Variants in ETV3 observed in about 807,000 individuals in gnomAD.
ETV3 encodes ETS translocation variant 3.
In ETV3, 8 loss-of-function variants were observed where a neutral mutation model predicts 33.0. The observed-to-expected ratio is 0.24, with a 90% confidence interval of 0.14 to 0.44. The LOEUF (loss-of-function observed/expected upper bound fraction) is 0.44, where lower values mean the gene tolerates loss of function less well. Among genes scored for constraint, ETV3 ranks in the 20% least tolerant of loss-of-function variants. The pLI, the probability that ETV3 is intolerant of heterozygous loss-of-function variation, is 1.00. For synonymous variants in ETV3, 222 were observed against 238.9 expected, an observed-to-expected ratio of 0.93 and a Z score of 0.65; for missense variants, 473 against 652.3, an observed-to-expected ratio of 0.73 and a Z score of 2.99.
In ETV3 at chr1:157,136,328, C is replaced by G; in HGVS notation, c.25G>C (p.Glu9Gln). MKAGCSIV[E>Q]KPEGGGGYQF... ...TCACCTCCACCTCCTTCTGGCTTTT[C>G]CACGATGCTACAGCCGGCTTTCATT... Residue 9 changes from glutamate (E) to glutamine (Q), a missense_variant, in exon 2 of 5, where the codon GAA becomes CAA. Transcript: ENST00000368192. The G allele has an allele frequency of 6.2e-7, 1 of 1,611,842 alleles. No individual in the cohort carries two copies. The highest frequency in any genetic ancestry group is 1.1e-5 in the South Asian group (1 of 90,560).
In ETV3 at chr1:157,124,754, T is replaced by TGGGGGGCCCC; in HGVS notation, c.*86_*87insGGGGCCCCCC. ...CCTAGAATGATCAAACCAGTTTAAC[T>TGGGGGGCCCC]CCCTCCCCCCCACCCTGAAATCTTG... is the stretch of plus-strand genomic sequence containing the variant. On this transcript the variant is annotated 3_prime_UTR_variant, in exon 5 of 5. Transcript: ENST00000368192. 1 of 328,824 alleles carries TGGGGGGCCCC rather than the reference T, an allele frequency of 3.0e-6. No homozygotes were observed. The highest frequency in any genetic ancestry group is 5.9e-6 in the Non-Finnish European group (1 of 168,370). 20.4% of individuals were successfully genotyped at this position (328,824 alleles called of 1,614,324 possible).
rs558908220 is a variant in ETV3, at chr1:157,135,390, T to C, written c.284+81A>G. ...GATAGTGTAGTCTTTTATTACCTGA[T>C]ACCCTTTTTATCTAGCATTCACCAA... On this transcript the variant is annotated intron_variant, in intron 3 of 4. Transcript: ENST00000368192. 26 of 1,509,980 alleles carry C rather than the reference T, an allele frequency of 1.7e-5. 1 individual carries two copies. The African/African-American group carries it at 3.2e-4, about 18-fold the overall frequency. 93.5% of individuals were successfully genotyped at this position (1,509,980 alleles called of 1,614,324 possible).
In ETV3 at chr1:157,136,790, T is replaced by C. The variant is rs1403617429; in HGVS notation, c.-13-425A>G. Among the ~76,000 whole-genome samples the C allele has an allele frequency of 2.6e-5, 4 of 152,132 alleles. No homozygotes were observed. In the East Asian group the frequency reaches 5.8e-4, roughly 22 times the overall value. On this transcript the variant is annotated intron_variant, in intron 1 of 4. Transcript: ENST00000368192. ...ATACACAAGCCTGAGTTCACCAAGA[T>C]GTACCAGTTTAAAGGATGAAAAAAT...
chr1:157,134,176 G>C lies in ETV3; in HGVS notation c.336C>G (p.Thr112=). ...CCAGCTTGTTGAAGTTAAATTTATAGGTAAATCTTTTCCCTTTTGTTTTAT... is the reference window on the plus strand; with the variant it reads ...CCAGCTTGTTGAAGTTAAATTTATACGTAAATCTTTTCCCTTTTGTTTTAT... ...ILHKTKGKRF[T]YKFNFNKLVM... is the part of the protein sequence containing the mutation. Residue 112 remains threonine, a synonymous_variant, in exon 4 of 5, where the codon ACC becomes ACG. Coordinates refer to ENST00000368192, the MANE Select transcript of ETV3 (RefSeq NM_001145312.3). 1.2e-6 allele frequency: 2 copies of C among 1,613,894 alleles called. No homozygotes were observed. The highest frequency in any genetic ancestry group is 1.7e-6 in the Non-Finnish European group (2 of 1,179,900).
chr1:157,125,867 A>G lies in ETV3; in HGVS notation c.513T>C (p.Ala171=), dbSNP rs1674824821. The change falls in exon 5 of 5, where the codon GCT becomes GCC. Residue 171 remains alanine, a synonymous_variant. Coordinates refer to ENST00000368192, the MANE Select transcript of ETV3 (RefSeq NM_001145312.3). This position sits in a 1 kb window ranked among gnomAD's most constrained non-coding sequence, Gnocchi z 4.0. The part of the protein sequence containing the change: ...TNDVQPGRFS[A]SSLTASGQES... ...CCTGGCCAGAAGCAGTTAGGGAGCTAGCAGAGAACCGTCCCGGCTGCACAT... is the reference window on the plus strand; with the variant it reads ...CCTGGCCAGAAGCAGTTAGGGAGCTGGCAGAGAACCGTCCCGGCTGCACAT... 6.4e-7 allele frequency: 1 copy of G among 1,551,598 alleles called. No homozygotes were observed. The highest frequency in any genetic ancestry group is 8.7e-7 in the Non-Finnish European group (1 of 1,146,994).
intron 3 of ETV3, among the ~76,000 whole-genome samples, chr1:157,134,677 A>G (rs1283240296): frequency 6.6e-6 from 1 of 152,244 alleles, no homozygotes; most frequent in Non-Finnish European, 1.5e-5. Context: ...AAAGGAATGT[A>G]CAACTGTTTT....
At chr1:157,126,038 C>A in intron 4 of ETV3, 59 bp from the exon 5 acceptor site, 1 of 1,409,422 alleles carries the variant, frequency 7.1e-7, no homozygotes, top group Non-Finnish European at 9.4e-7. Flanking sequence ...ATTATCATCA[C>A]TTATGCTAAC....
In ETV3 at chr1:157,124,870, C is replaced by T. The variant is rs1222358633; in HGVS notation, c.1510G>A (p.Gly504Ser). 3 of 1,548,478 alleles carry T rather than the reference C, an allele frequency of 1.9e-6. No homozygotes were observed. Reference sequence around the variant, plus strand: ...GCATCAGCAGCTGCTGTTGCCAAGCCCTGGGGTCCTGACCCATTCCAGAGA... The same window carrying T: ...GCATCAGCAGCTGCTGTTGCCAAGCTCTGGGGTCCTGACCCATTCCAGAGA... ...KFLWNGSGPQ[G>S]LATAAADA is the part of the protein sequence containing the mutation. Residue 504 changes from glycine (G) to serine (S), a missense_variant, in exon 5 of 5, where the codon GGC (glycine) becomes AGC (serine). This residue lies in a region of ETV3 where 410 missense variants were observed against 520.2 expected (regional missense o/e 0.79). Coordinates refer to ENST00000368192, the MANE Select transcript of ETV3 (RefSeq NM_001145312.3).
chr1:157,136,254 G>C, intron 2 of ETV3, 53 bp downstream of exon 2: 1 of 1,551,654 alleles, frequency 6.4e-7, no homozygotes, highest in South Asian at 1.1e-5. Flanking sequence ...GAGAGGACAG[G>C]AACCACTGAG....
At position 157,126,453 on chromosome 1, in the gene ETV3, CCA is replaced by C. The variant is rs373108052; in HGVS notation, c.401-476_401-475del. On this transcript the variant is annotated intron_variant, in intron 4 of 4. Transcript: ENST00000368192. ...AATAGTCTTATTTCCATAATTTTGG[CCA>C]TATATATATATTCGTGTGTGTGTGT... Among the ~76,000 whole-genome samples, 15 of 152,196 alleles carry C rather than the reference CCA, an allele frequency of 9.9e-5. No homozygotes were observed. In the East Asian group the frequency reaches 2.7e-3, roughly 27 times the overall value.
chr1:157,124,888 T>G lies in ETV3; in HGVS notation c.1492A>C (p.Asn498His). The stretch of plus-strand genomic sequence containing the variant: ...GCCAAGCCCTGGGGTCCTGACCCAT[T>G]CCAGAGAAACTTGCCACTCTTGCTC... ...ELSKSGKFLW[N>H]GSGPQGLATA... The change falls in exon 5 of 5, where the codon AAT (asparagine) becomes CAT (histidine). Residue 498 changes from asparagine to histidine, a missense_variant. Transcript: ENST00000368192. 6.4e-7 allele frequency: 1 copy of G among 1,551,384 alleles called. No homozygotes were observed. The highest frequency in any genetic ancestry group is 8.7e-7 in the Non-Finnish European group (1 of 1,146,848).
intron 4 of ETV3, chr1:157,128,628 G>A (rs757743873): frequency 1.4e-5 from 3 of 221,822 alleles, no homozygotes; most frequent in Non-Finnish European, 2.9e-5. Context: ...AGGCAGAAAA[G>A]GGCAGACTTG....
In ETV3 at chr1:157,138,367, G is replaced by C. The variant is rs116785379; in HGVS notation, c.-65C>G. The C allele has an allele frequency of 0.023, 3,520 of 152,432 alleles. 87 individuals carry two copies. The highest frequency in any genetic ancestry group is 0.095 in the East Asian group (487 of 5,138). The allele number at this position is 152,432 out of a possible 1,614,324, so 9.4% of individuals were successfully genotyped here. A position where few individuals can be genotyped will look rare whatever the true frequency, so the allele number is the denominator to read the frequency against. ...TCCGGTCTCCTCCGCGGCGTCTCCG[G>C]CTCCTCCTCATCCACCCCAGCAGGA... On this transcript the variant is annotated 5_prime_UTR_variant, in exon 1 of 5. Coordinates refer to ENST00000368192, the MANE Select transcript of ETV3 (RefSeq NM_001145312.3).
Position 157,124,083 on chromosome 1 carries a change from G to A in ETV3, c.*758C>T, listed in dbSNP as rs1204456021. The A allele has an allele frequency of 6.6e-6, 1 of 152,044 alleles. No individual in the cohort carries two copies. Among genetic ancestry groups the A allele is most frequent in the African/African-American group, 2.4e-5 (1 of 41,392 alleles). The allele number at this position is 152,044 out of a possible 1,614,324, so 9.4% of individuals were successfully genotyped here. A position where few individuals can be genotyped will look rare whatever the true frequency, so the allele number is the denominator to read the frequency against. On this transcript the variant is annotated 3_prime_UTR_variant, in exon 5 of 5. Coordinates refer to ENST00000368192, the MANE Select transcript of ETV3 (RefSeq NM_001145312.3). The stretch of plus-strand genomic sequence containing the variant: ...GTGAAGTAGGTGAAAAGTCTGAGAA[G>A]CTCACAGCAGGGTTTGCCGTCCCAA...
rs1477004227 is a variant in ETV3, at chr1:157,124,144, C to T, written c.*697G>A. The T allele has an allele frequency of 2.0e-5, 3 of 151,162 alleles. No individual in the cohort carries two copies. The highest frequency in any genetic ancestry group is 4.4e-5 in the Non-Finnish European group (3 of 67,914). 9.4% of individuals were successfully genotyped at this position (151,162 alleles called of 1,614,324 possible). A position where few individuals can be genotyped will look rare whatever the true frequency, so the allele number is the denominator to read the frequency against. ...GAGAGGTCGCCAGCTCCTGTGCCTT[C>T]CCAGCCCCACTATAATTGGCAGTAT... is the stretch of plus-strand genomic sequence containing the variant. On this transcript the variant is annotated 3_prime_UTR_variant, in exon 5 of 5. Transcript: ENST00000368192.
Position 157,133,813 on chromosome 1 carries a change from C to T in ETV3, c.400+299G>A, listed in dbSNP as rs931128486. On this transcript the variant is annotated intron_variant, in intron 4 of 4. Coordinates refer to ENST00000368192, the MANE Select transcript of ETV3 (RefSeq NM_001145312.3). ...ACTGAGTCCTGAACGTAAAGATCATCACAAACCTATGAAACATCATTCCCA... is the reference window on the plus strand; with the variant it reads ...ACTGAGTCCTGAACGTAAAGATCATTACAAACCTATGAAACATCATTCCCA... 4 of 1,141,482 alleles carry T rather than the reference C, an allele frequency of 3.5e-6. No homozygotes were observed. The African/African-American group carries it at 6.5e-5, about 19-fold the overall frequency. 70.7% of individuals were successfully genotyped at this position (1,141,482 alleles called of 1,614,324 possible).
intron 4 of ETV3, among the ~76,000 whole-genome samples, chr1:157,128,022 G>GA (rs957560572): frequency 6.6e-6 from 1 of 151,902 alleles, no homozygotes; most frequent in African/African-American, 2.4e-5. Context: ...CAAAGGAGAA[G>GA]AAAAAAATAG....
chr1:157,128,962 A>G (rs1674907889), intron 4 of ETV3, among the ~76,000 whole-genome samples: 1 of 152,250 alleles, frequency 6.6e-6, no homozygotes, highest in Non-Finnish European at 1.5e-5. Context: ...AAGATGATGA[A>G]TGCCATCTTA....
intron 3 of ETV3, 144 bp from the exon 4 acceptor site, chr1:157,134,371 G>T: frequency 9.5e-7 from 1 of 1,053,806 alleles, no homozygotes; most frequent in Non-Finnish European, 1.3e-6. Flanking sequence ...TGGCCCTCCA[G>T]GTAGATCTAG....
Sources: allele counts gnomAD v4.1 joint callset (sites outside exome capture counted in the v4.1 genomes callset), GRCh38; gene constraint gnomAD v4.1.1; regional missense constraint gnomAD v4.1.1; non-coding constraint Gnocchi (gnomAD v3.1); transcripts MANE v1.5; gene names NCBI Gene and HGNC (gene_info 2026-07-23, HGNC 2026-07-21).